ACOT4: variants seen among roughly 807,000 people sequenced by gnomAD.
ACOT4 encodes the protein acyl-CoA thioesterase 4, also known as peroxisomal succinyl-coenzyme A thioesterase.
In ACOT4, 18 loss-of-function variants were observed where a neutral mutation model predicts 17.1. That is an observed-to-expected ratio of 1.05 (90% CI 0.73 to 1.56). The LOEUF is 1.56. Among genes scored for constraint, ACOT4 ranks in the 40% most tolerant of loss-of-function variants. ACOT4 has a pLI of 0.00. For synonymous variants in ACOT4, 234 were observed against 236.6 expected, an observed-to-expected ratio of 0.99 and a Z score of 0.10; for missense variants, 574 against 557.2, an observed-to-expected ratio of 1.03 and a Z score of -0.30.
rs1303609305 is a variant in ACOT4 at position 73,592,423 on chromosome 14, C to T, written c.457+7C>T. On this transcript the variant is annotated splice_region_variant and intron_variant, in intron 1 of 2. Coordinates refer to ENST00000326303, the MANE Select transcript of ACOT4 (RefSeq NM_152331.4). ...ACGCTCTTCCTGCCGCCAGGTGAGCCAGGCTGCTGGCGGGTGGTGTGAGCG... is the reference window on the plus strand; with the variant it reads ...ACGCTCTTCCTGCCGCCAGGTGAGCTAGGCTGCTGGCGGGTGGTGTGAGCG... The T allele has an allele frequency of 2.0e-6, 3 of 1,506,614 alleles. No individual in the cohort carries two copies. Among genetic ancestry groups the T allele is most frequent in the Admixed American group, 2.2e-5 (1 of 46,446 alleles). 93.3% of individuals were successfully genotyped at this position (1,506,614 alleles called of 1,614,324 possible). A position where few individuals can be genotyped will look rare whatever the true frequency, so the allele number is the denominator to read the frequency against.
In ACOT4 at chr14:73,592,028, G is replaced by T; in HGVS notation, c.69G>T (p.Val23=). The T allele has an allele frequency of 6.9e-7, 1 of 1,447,764 alleles. No individual in the cohort carries two copies. The allele number at this position is 1,447,764 out of a possible 1,614,324, so 89.7% of individuals were successfully genotyped here. A position where few individuals can be genotyped will look rare whatever the true frequency, so the allele number is the denominator to read the frequency against. ...CCWNEPVRIA[V]RGLAPEQRVT... Reference sequence around the variant, plus strand: ...GGAACGAGCCGGTGCGCATTGCCGTGCGCGGCCTGGCCCCGGAGCAGCGGG... The same window carrying T: ...GGAACGAGCCGGTGCGCATTGCCGTTCGCGGCCTGGCCCCGGAGCAGCGGG... The change falls in exon 1 of 3, where the codon GTG becomes GTT. Residue 23 remains valine (V), a synonymous_variant. Transcript: ENST00000326303.
intron 2 of ACOT4, 23 bp downstream of exon 2, chr14:73,593,927 A>T (rs1189475469): frequency 6.3e-7 from 1 of 1,584,666 alleles, no homozygotes; most frequent in Non-Finnish European, 8.6e-7. Flanking sequence ...TCCTTTATTT[A>T]ATCAGTCTCT....
chr14:73,595,340 A>G lies in ACOT4; in HGVS notation c.952A>G (p.Ile318Val). Reference sequence around the variant, plus strand: ...TCCAATAGAGAAGGCCCAGGGGCCCATCCTGCTCATTGTTGGTCAGGATGA... The same window carrying G: ...TCCAATAGAGAAGGCCCAGGGGCCCGTCCTGCTCATTGTTGGTCAGGATGA... Reference protein sequence around the residue: ...MIPIEKAQGPILLIVGQDDHN... With the variant: ...MIPIEKAQGPVLLIVGQDDHN... Residue 318 changes from isoleucine (I) to valine (V), a missense_variant, in exon 3 of 3, where the codon ATC becomes GTC. Physicochemically the swap from Ile to Val is conservative, Grantham distance 29. Transcript: ENST00000326303. The G allele has an allele frequency of 6.2e-7, 1 of 1,614,236 alleles. No individual in the cohort carries two copies. The highest frequency in any genetic ancestry group is 8.5e-7 in the Non-Finnish European group (1 of 1,180,028).
chr14:73,594,770 G>A lies in ACOT4; in HGVS notation c.661-279G>A, dbSNP rs571081704. Among the ~76,000 whole-genome samples the A allele has an allele frequency of 3.3e-5, 5 of 152,050 alleles. No homozygotes were observed. The South Asian group carries it at 1.0e-3, about 32-fold the overall frequency. On this transcript the variant is annotated intron_variant, in intron 2 of 2. Transcript: ENST00000326303. ...AGCTGGAGCGCAGTGGCGCAATCTC[G>A]GCTCACTGCAACCTCCGCCTCCTGG...
At chr14:73,594,019 G>A in intron 2 of ACOT4, 115 bp downstream of exon 2, 3 of 952,090 alleles carry the variant, frequency 3.2e-6, no homozygotes, top group Non-Finnish European at 4.5e-6. Context: ...GATGTCTTCT[G>A]GAGACTTCCT....
At chr14:73,592,714 C>T (rs1434448398) in intron 1 of ACOT4, among the ~76,000 whole-genome samples, 7 of 152,050 alleles carry the variant, frequency 4.6e-5, no homozygotes, top group Admixed American at 4.6e-4. Context: ...TTAGTCCAGC[C>T]TGGTGGCACA....
rs1890228452 is a variant in ACOT4, at chr14:73,595,273, A to T, written c.885A>T (p.Ile295=). 6.2e-7 allele frequency: 1 copy of T among 1,614,210 alleles called. No individual in the cohort carries two copies. Among genetic ancestry groups the T allele is most frequent in the Non-Finnish European group, 8.5e-7 (1 of 1,180,042 alleles). ...AFSGLVDIVD[I]RNALVGGYKN... ...CAGGCCTCGTGGACATTGTGGATAT[A>T]AGGAATGCTCTCGTAGGAGGGTACA... Residue 295 remains isoleucine (I), a synonymous_variant, in exon 3 of 3, where the codon ATA becomes ATT. Coordinates refer to ENST00000326303, the MANE Select transcript of ACOT4 (RefSeq NM_152331.4).
At position 73,595,262 on chromosome 14, in the gene ACOT4, A is replaced by G; in HGVS notation, c.874A>G (p.Ile292Val). Residue 292 changes from isoleucine (I) to valine (V), a missense_variant, in exon 3 of 3, where the codon ATT becomes GTT. Coordinates refer to ENST00000326303, the MANE Select transcript of ACOT4 (RefSeq NM_152331.4). Reference sequence around the variant, plus strand: ...GGTAGCTTTCTCAGGCCTCGTGGACATTGTGGATATAAGGAATGCTCTCGT... The same window carrying G: ...GGTAGCTTTCTCAGGCCTCGTGGACGTTGTGGATATAAGGAATGCTCTCGT... Reference protein sequence around the residue: ...IKVAFSGLVDIVDIRNALVGG... With the variant: ...IKVAFSGLVDVVDIRNALVGG... 6.2e-7 allele frequency: 1 copy of G among 1,613,590 alleles called. No homozygotes were observed. The highest frequency in any genetic ancestry group is 1.3e-5 in the African/African-American group (1 of 75,020).
rs1298311446 is a variant in ACOT4, at chr14:73,592,130, C to T, written c.171C>T (p.Arg57=). 6.4e-7 allele frequency: 1 copy of T among 1,565,508 alleles called. No homozygotes were observed. Among genetic ancestry groups the T allele is most frequent in the Non-Finnish European group, 8.6e-7 (1 of 1,158,490 alleles). ...RAHARYCADA[R]GELDLERAPA... ...ACGCGCGCTACTGCGCCGACGCCCG[C>T]GGCGAGCTGGACCTGGAGCGCGCAC... The change falls in exon 1 of 3, where the codon CGC becomes CGT. Residue 57 remains arginine (R), a synonymous_variant. Coordinates refer to ENST00000326303, the MANE Select transcript of ACOT4 (RefSeq NM_152331.4).
Position 73,592,194 on chromosome 14 carries a change from G to A in ACOT4, c.235G>A (p.Gly79Arg), listed in dbSNP as rs1215622667. The change falls in exon 1 of 3, where the codon GGG becomes AGG. Residue 79 changes from glycine to arginine, a missense_variant. Transcript: ENST00000326303. ...CAGCTTCGCGGGACTCGAGCCCATG[G>A]GGCTGCTCTGGGCCCTGGAACCCGA... Reference protein sequence around the residue: ...GGSFAGLEPMGLLWALEPEKP... With the variant: ...GGSFAGLEPMRLLWALEPEKP... 1.2e-6 allele frequency: 2 copies of A among 1,611,018 alleles called. No homozygotes were observed. Among genetic ancestry groups the A allele is most frequent in the Non-Finnish European group, 1.7e-6 (2 of 1,178,778 alleles).
Position 73,593,688 on chromosome 14 carries a change from AT to A in ACOT4, c.458-10del, listed in dbSNP as rs771491487. 125 of 1,588,526 alleles carry A rather than the reference AT, an allele frequency of 7.9e-5. No individual in the cohort carries two copies. In the African/African-American group the frequency reaches 1.5e-3, roughly 19 times the overall value. On this transcript the variant is annotated splice_polypyrimidine_tract_variant and intron_variant, in intron 1 of 2. Coordinates refer to ENST00000326303, the MANE Select transcript of ACOT4 (RefSeq NM_152331.4). ...TTGTATAATGGCTTACATTTATAAT[AT>A]TTTGTTCTCTAGGACCTGGACCCTT... is the stretch of plus-strand genomic sequence containing the variant.
chr14:73,591,997 G>T lies in ACOT4; in HGVS notation c.38G>T (p.Cys13Phe). 7.0e-7 allele frequency: 1 copy of T among 1,422,646 alleles called. No homozygotes were observed. Among genetic ancestry groups the T allele is most frequent in the Non-Finnish European group, 9.2e-7 (1 of 1,090,740 alleles). 88.1% of individuals were successfully genotyped at this position (1,422,646 alleles called of 1,614,324 possible). Residue 13 changes from cysteine to phenylalanine, a missense_variant, in exon 1 of 3, where the codon TGC becomes TTC. By Grantham distance (205) the Cys-to-Phe change is radical. Transcript: ENST00000326303. ...ATLILEPPGR[C>F]CWNEPVRIAV... ...CTGATCCTGGAGCCCCCAGGCCGCT[G>T]CTGCTGGAACGAGCCGGTGCGCATT...
intron 2 of ACOT4, among the ~76,000 whole-genome samples, 185 bp downstream of exon 2, chr14:73,594,089 G>A (rs1890204019): frequency 6.6e-6 from 1 of 152,080 alleles, no homozygotes; most frequent in Non-Finnish European, 1.5e-5. Flanking sequence ...AGAATTAATT[G>A]TAAAATCCAC....
intron 1 of ACOT4, among the ~76,000 whole-genome samples, chr14:73,593,097 C>A (rs763182111): frequency 2.1e-4 from 32 of 152,206 alleles, no homozygotes; most frequent in Non-Finnish European, 3.7e-4. Context: ...GAAGCTATTA[C>A]CATGTCGTCT....
intron 1 of ACOT4, among the ~76,000 whole-genome samples, chr14:73,593,484 A>G (rs1216347011): frequency 6.6e-6 from 1 of 150,528 alleles, no homozygotes; most frequent in Admixed American, 6.6e-5. Context: ...GACTACAGGC[A>G]TACACCACCA....
intron 1 of ACOT4, among the ~76,000 whole-genome samples, chr14:73,593,501 C>G (rs1056863723): frequency 6.7e-6 from 1 of 148,698 alleles, no homozygotes; most frequent in Non-Finnish European, 1.5e-5. Flanking sequence ...ACCACACTGA[C>G]TAATTAAAAA....
Position 73,592,124 on chromosome 14 carries a change from C to T in ACOT4, c.165C>T (p.Asp55=), listed in dbSNP as rs1169469623. 5.1e-6 allele frequency: 8 copies of T among 1,557,498 alleles called. No individual in the cohort carries two copies. Among genetic ancestry groups the T allele is most frequent in the South Asian group, 2.4e-5 (2 of 84,322 alleles). ...GGGCCCACGCGCGCTACTGCGCCGA[C>T]GCCCGCGGCGAGCTGGACCTGGAGC... ...LFRAHARYCA[D]ARGELDLERA... is the part of the protein sequence containing the mutation. The change falls in exon 1 of 3, where the codon GAC becomes GAT. Residue 55 remains aspartate (D), a synonymous_variant. Coordinates refer to ENST00000326303, the MANE Select transcript of ACOT4 (RefSeq NM_152331.4).
intron 1 of ACOT4, among the ~76,000 whole-genome samples, chr14:73,593,362 A>C (rs1180410224): frequency 1.8e-5 from 2 of 111,352 alleles, no homozygotes; most frequent in Non-Finnish European, 3.4e-5. Context: ...TTTTTGAGAC[A>C]GTGTCTGTCT....
rs530136265 is a variant in ACOT4, at chr14:73,595,285, C to T, written c.897C>T (p.Leu299=). The change falls in exon 3 of 3, where the codon CTC becomes CTT. Residue 299 remains leucine, a synonymous_variant. Coordinates refer to ENST00000326303, the MANE Select transcript of ACOT4 (RefSeq NM_152331.4). ...ACATTGTGGATATAAGGAATGCTCT[C>T]GTAGGAGGGTACAAGAACCCCAGCA... ...LVDIVDIRNA[L]VGGYKNPSMI... 2.3e-5 allele frequency: 37 copies of T among 1,614,146 alleles called. No individual in the cohort carries two copies. Among genetic ancestry groups the T allele is most frequent in the African/African-American group, 6.7e-5 (5 of 75,022 alleles).
Sources: allele counts gnomAD v4.1 joint callset (sites outside exome capture counted in the v4.1 genomes callset), GRCh38; gene constraint gnomAD v4.1.1; transcripts MANE v1.5; gene names NCBI Gene and HGNC (gene_info 2026-07-23, HGNC 2026-07-21).